UBASH3A: variants seen among roughly 807,000 people sequenced by gnomAD.
UBASH3A encodes ubiquitin-associated and SH3 domain-containing protein A.
A neutral mutation model predicts 73.5 loss-of-function variants in UBASH3A; 63 were observed. The ratio of observed to expected loss-of-function variants is 0.86; its 90% CI spans 0.70 to 1.06. The LOEUF is 1.06. UBASH3A is among the 50% of genes least tolerant of loss of function. The pLI, the probability that UBASH3A is intolerant of heterozygous loss-of-function variation, is 0.00. For synonymous variants in UBASH3A, 363 were observed against 351.1 expected (o/e 1.03, Z -0.38); for missense variants, 860 against 859.0 (o/e 1.00, Z -0.02).
chr21:42,434,875 A>C lies in UBASH3A; in HGVS notation c.1314A>C (p.Pro438=), dbSNP rs17114925. The C allele has an allele frequency of 0.17, 268,701 of 1,613,728 alleles. 26,166 individuals carry two copies. Among genetic ancestry groups the C allele is most frequent in the African/African-American group, 0.45 (33,482 of 74,966 alleles). Residue 438 remains proline (P), a synonymous_variant, in exon 10 of 15, where the codon CCA becomes CCC. Transcript: ENST00000319294. ...RPDLNFPCSL[P]RRSRGIKDFE... is the part of the protein sequence containing the mutation. ...ACCTGAATTTCCCCTGCAGTCTGCC[A>C]AGACGGAGTCGTGGGATCAAAGACT...
intron 14 of UBASH3A, among the ~76,000 whole-genome samples, chr21:42,446,343 C>G (rs373558090): frequency 1.3e-5 from 2 of 152,286 alleles, no homozygotes; most frequent in East Asian, 1.9e-4. Flanking sequence ...GGAAAGGGAG[C>G]ACTCAGGACC....
chr21:42,442,214 C>A (rs749369269), intron 11 of UBASH3A, among the ~76,000 whole-genome samples: 1 of 152,200 alleles, frequency 6.6e-6, no homozygotes, highest in Non-Finnish European at 1.5e-5. Flanking sequence ...CTGGCCCTTC[C>A]TGGCACACAG....
intron 1 of UBASH3A, among the ~76,000 whole-genome samples, chr21:42,405,834 C>T (rs1019848799): frequency 6.6e-6 from 1 of 152,058 alleles, no homozygotes; most frequent in African/African-American, 2.4e-5. Flanking sequence ...GTAACAAGTG[C>T]CTGCCTGGGT....
intron 2 of UBASH3A, among the ~76,000 whole-genome samples, chr21:42,407,543 C>T (rs1020410731): frequency 6.6e-6 from 1 of 152,148 alleles, no homozygotes; most frequent in Non-Finnish European, 1.5e-5. Flanking sequence ...ATGGGGTCCC[C>T]TAGACTGTCA....
rs1200616505 is a variant in UBASH3A, at chr21:42,416,536, A to G, written c.762A>G (p.Arg254=). ...HHQRTLEQLA[R]AIPLGHSCQW... ...AGAGGACGCTGGAGCAGCTGGCCAG[A>G]GCCATCCCCCTGGGCCACAGCTGCC... The change falls in exon 6 of 15, where the codon AGA becomes AGG. Residue 254 remains arginine, a synonymous_variant. Coordinates refer to ENST00000319294, the MANE Select transcript of UBASH3A (RefSeq NM_018961.4). The G allele has an allele frequency of 1.9e-6, 3 of 1,611,034 alleles. No homozygotes were observed. Among genetic ancestry groups the G allele is most frequent in the Non-Finnish European group, 2.5e-6 (3 of 1,178,874 alleles).
At chr21:42,430,418 G>A (rs2053507392) in intron 8 of UBASH3A, among the ~76,000 whole-genome samples, 2 of 152,154 alleles carry the variant, frequency 1.3e-5, no homozygotes, top group South Asian at 4.1e-4. Flanking sequence ...ATGCAGACAA[G>A]GCTTACCTCT....
chr21:42,442,776 T>C (rs2053770157), intron 12 of UBASH3A, among the ~76,000 whole-genome samples, 180 bp downstream of exon 12: 1 of 152,166 alleles, frequency 6.6e-6, no homozygotes, highest in African/African-American at 2.4e-5. Flanking sequence ...AGGGGAGTTA[T>C]AGCCACAGAG....
At chr21:42,434,051 G>A (rs1018269440) in intron 9 of UBASH3A, among the ~76,000 whole-genome samples, 1 of 152,134 alleles carries the variant, frequency 6.6e-6, no homozygotes, top group South Asian at 2.1e-4. Context: ...GGTGTCCTGT[G>A]TGAGGATAAT....
rs375869472 is a variant in UBASH3A, at chr21:42,424,179, C to T, written c.1047-2518C>T. Among the ~76,000 whole-genome samples the T allele has an allele frequency of 2.6e-5, 4 of 152,066 alleles. 1 individual carries two copies. The highest frequency in any genetic ancestry group is 3.9e-4 in the East Asian group (2 of 5,160). On this transcript the variant is annotated intron_variant, in intron 7 of 14. Transcript: ENST00000319294. ...CTACGAGCCCTGGTCAGGACTCACACTTGCACGATCCAAGCAGCAGAACCA... is the reference window on the plus strand; with the variant it reads ...CTACGAGCCCTGGTCAGGACTCACATTTGCACGATCCAAGCAGCAGAACCA...
At chr21:42,446,729 T>C (rs2053850070) in intron 14 of UBASH3A, among the ~76,000 whole-genome samples, 1 of 152,234 alleles carries the variant, frequency 6.6e-6, no homozygotes, top group Non-Finnish European at 1.5e-5. Context: ...CACCTCAGCC[T>C]GCAGACCTTT....
Position 42,409,379 on chromosome 21 carries a change from T to C in UBASH3A, c.168-43T>C. 3.3e-6 allele frequency: 5 copies of C among 1,505,680 alleles called. No homozygotes were observed. In the South Asian group the frequency reaches 6.7e-5, roughly 20 times the overall value. The allele number at this position is 1,505,680 out of a possible 1,614,324, so 93.3% of individuals were successfully genotyped here. A position where few individuals can be genotyped will look rare whatever the true frequency, so the allele number is the denominator to read the frequency against. On this transcript the variant is annotated intron_variant, in intron 2 of 14. Coordinates refer to ENST00000319294, the MANE Select transcript of UBASH3A (RefSeq NM_018961.4). The stretch of plus-strand genomic sequence containing the variant: ...TGTATCCTCAAAGGGGAAAACTCTT[T>C]TTGTTGTGACAGTGGGTGATGCCGG...
chr21:42,437,850 G>A (rs140519580), intron 11 of UBASH3A, among the ~76,000 whole-genome samples: 99 of 152,274 alleles, frequency 6.5e-4, no homozygotes, highest in African/African-American at 2.0e-3. Context: ...TTTGGCCTCC[G>A]TCAGCTAGGC....
intron 11 of UBASH3A, among the ~76,000 whole-genome samples, chr21:42,439,895 CCA>C (rs1269477256): frequency 6.9e-6 from 1 of 145,284 alleles, no homozygotes; most frequent in African/African-American, 2.5e-5. Context: ...AACACACATA[CCA>C]CACACACACC....
chr21:42,426,102 A>G (rs974664062), intron 7 of UBASH3A, among the ~76,000 whole-genome samples: 1 of 152,110 alleles, frequency 6.6e-6, no homozygotes, highest in Non-Finnish European at 1.5e-5. Flanking sequence ...GGAAGAGTTG[A>G]GGTTACAGCT....
In UBASH3A at chr21:42,414,557, C is replaced by T. The variant is rs374808841; in HGVS notation, c.667+1034C>T. The stretch of plus-strand genomic sequence containing the variant: ...AATGTGACCTCACTTGGGAATAGGG[C>T]CTGTGCAGATGCGATTGGTTGGGAG... On this transcript the variant is annotated intron_variant, in intron 5 of 14. Coordinates refer to ENST00000319294, the MANE Select transcript of UBASH3A (RefSeq NM_018961.4). Among the ~76,000 whole-genome samples the T allele has an allele frequency of 3.9e-5, 6 of 152,246 alleles. No homozygotes were observed. The South Asian group carries it at 8.3e-4, about 21-fold the overall frequency.
chr21:42,420,177 C>T (rs112810224), intron 7 of UBASH3A, among the ~76,000 whole-genome samples: 9 of 152,042 alleles, frequency 5.9e-5, no homozygotes, highest in East Asian at 1.9e-4. Context: ...GATTGGTTCC[C>T]GGACCCCCAC....
intron 11 of UBASH3A, among the ~76,000 whole-genome samples, chr21:42,440,161 C>T (rs892483098): frequency 1.3e-5 from 2 of 152,238 alleles, no homozygotes; most frequent in Non-Finnish European, 2.9e-5. Context: ...GTCCGCCTCT[C>T]CCTGTTCCCA....
At chr21:42,410,464 C>G (rs1030117289) in intron 3 of UBASH3A, 1 of 444,818 alleles carries the variant, frequency 2.2e-6, no homozygotes, top group African/African-American at 2.0e-5. Context: ...GAATGCAAAC[C>G]TCTGAAGGGA....
At position 42,407,790 on chromosome 21, in the gene UBASH3A, G is replaced by A. The variant is rs111913702; in HGVS notation, c.167+1429G>A. ...TGGAGAAATGCAAGGAGCCTAAAGA[G>A]ACATGTACAAAGATCTTGATTGCAG... On this transcript the variant is annotated intron_variant, in intron 2 of 14. Transcript: ENST00000319294. Among the ~76,000 whole-genome samples, 1,006 of 152,312 alleles carry A rather than the reference G, an allele frequency of 6.6e-3. 6 individuals carry two copies. Among genetic ancestry groups the A allele is most frequent in the African/African-American group, 0.022 (905 of 41,568 alleles).
Sources: gnomAD v4.1 joint callset for allele counts (sites outside exome capture counted in the v4.1 genomes callset) on GRCh38, gnomAD v4.1.1 for gene constraint, MANE v1.5 for transcripts, NCBI Gene and HGNC (gene_info 2026-07-23, HGNC 2026-07-21) for gene names.